Variants in PARP8 observed in about 807,000 individuals in gnomAD.
PARP8 encodes protein mono-ADP-ribosyltransferase PARP8.
In PARP8, 51 loss-of-function variants were observed where a neutral mutation model predicts 124.1. The observed-to-expected ratio is 0.41, with a 90% CI of 0.33 to 0.52. The LOEUF is 0.52. PARP8 is among the 20% of genes least tolerant of loss of function. The probability of loss-of-function intolerance (pLI) is 0.21; values close to 1 mark genes in which losing one functional copy is unlikely to be tolerated. For missense variants in PARP8, 860 were observed against 1,018.9 expected (o/e 0.84, Z 2.12); for synonymous variants, 391 against 361.5 (o/e 1.08, Z -0.93).
chr5:50,781,701 CA>C (rs1740693710), intron 9 of PARP8, among the ~76,000 whole-genome samples: 1 of 152,188 alleles, frequency 6.6e-6, no homozygotes, highest in South Asian at 2.1e-4. Flanking sequence ...CTGGGGAGTG[CA>C]GATAAGTACT....
chr5:50,684,852 G>A (rs950455687), intron 2 of PARP8, among the ~76,000 whole-genome samples: 17 of 152,094 alleles, frequency 1.1e-4, no homozygotes, highest in African/African-American at 2.4e-4. Flanking sequence ...GAGGGATTAC[G>A]GTGTATTTGT....
chr5:50,794,856 G>T lies in PARP8; in HGVS notation c.867G>T (p.Ser289=). 1 of 1,611,016 alleles carries T rather than the reference G, an allele frequency of 6.2e-7. No individual in the cohort carries two copies. The highest frequency in any genetic ancestry group is 2.2e-5 in the East Asian group (1 of 44,826). Residue 289 remains serine (S), a synonymous_variant, in exon 12 of 26, where the codon TCG becomes TCT. Coordinates refer to ENST00000281631, the MANE Select transcript of PARP8 (RefSeq NM_024615.4). ...PLHLFSTLRR[S]PSYPPPGCGK... ...TAATTGTTGTTCAATTTTGAAGGTCGCCAAGTTATCCTCCCCCTGGTTGTG... is the reference window on the plus strand; with the variant it reads ...TAATTGTTGTTCAATTTTGAAGGTCTCCAAGTTATCCTCCCCCTGGTTGTG...
At chr5:50,735,035 G>A (rs754095924) in intron 2 of PARP8, among the ~76,000 whole-genome samples, 21 of 151,880 alleles carry the variant, frequency 1.4e-4, no homozygotes, top group Admixed American at 2.6e-4. Flanking sequence ...TTCATCATGC[G>A]CAATGTAGGG....
intron 18 of PARP8, among the ~76,000 whole-genome samples, chr5:50,825,376 TA>T (rs1011328766): frequency 6.6e-6 from 1 of 152,194 alleles, no homozygotes; most frequent in Non-Finnish European, 1.5e-5. Context: ...TAATCTAAAA[TA>T]AATGTTTTAT....
chr5:50,704,104 A>G (rs1406921155), intron 2 of PARP8, among the ~76,000 whole-genome samples: 1 of 152,000 alleles, frequency 6.6e-6, no homozygotes, highest in Non-Finnish European at 1.5e-5. Flanking sequence ...TGCAGTAAGA[A>G]ATTGTCCAGC....
At chr5:50,728,532 C>T (rs572073956) in intron 2 of PARP8, among the ~76,000 whole-genome samples, 7 of 151,914 alleles carry the variant, frequency 4.6e-5, no homozygotes, top group East Asian at 1.9e-4. Flanking sequence ...AGGAATCACA[C>T]GTTTAAATTA....
chr5:50,767,385 C>G (rs188020831), intron 7 of PARP8, among the ~76,000 whole-genome samples: 35 of 152,274 alleles, frequency 2.3e-4, no homozygotes, highest in Admixed American at 1.2e-3. Context: ...AACAGTCTGA[C>G]TCTGAAAATC....
chr5:50,771,828 A>T (rs1761657975), intron 7 of PARP8, among the ~76,000 whole-genome samples: 1 of 152,244 alleles, frequency 6.6e-6, no homozygotes, highest in South Asian at 2.1e-4. Flanking sequence ...TGTTTAGCAT[A>T]TCCACCACCA....
At position 50,778,472 on chromosome 5, in the gene PARP8, G is replaced by T. The variant is rs140419243; in HGVS notation, c.580-88G>T. 205 of 1,157,630 alleles carry T rather than the reference G, an allele frequency of 1.8e-4. No homozygotes were observed. The African/African-American group carries it at 2.2e-3, about 12-fold the overall frequency. The allele number at this position is 1,157,630 out of a possible 1,614,324, so 71.7% of individuals were successfully genotyped here. A position where few individuals can be genotyped will look rare whatever the true frequency, so the allele number is the denominator to read the frequency against. ...GGCCTTCATGTTATATGCATTTTGC[G>T]AACACAAGTTTTAAAAGTTTGTGTG... On this transcript the variant is annotated intron_variant, in intron 8 of 25. Transcript: ENST00000281631.
intron 14 of PARP8, among the ~76,000 whole-genome samples, chr5:50,810,742 A>T (rs1418679910): frequency 6.6e-6 from 1 of 152,118 alleles, no homozygotes; most frequent in East Asian, 1.9e-4. Context: ...AAAAATAAAT[A>T]TACAAACACC....
Position 50,845,362 on chromosome 5 carries a change from A to T in PARP8, c.*3294A>T, listed in dbSNP as rs1421548756. ...GGTAATTTAATATGTCATGAAGGGG[A>T]CACTCAACATTGGGTCATCTACCGT... On this transcript the variant is annotated 3_prime_UTR_variant, in exon 26 of 26. Transcript: ENST00000281631. 6.6e-6 allele frequency: 1 copy of T among 151,712 alleles called. No individual in the cohort carries two copies. The highest frequency in any genetic ancestry group is 2.4e-5 in the African/African-American group (1 of 41,378). 9.4% of individuals were successfully genotyped at this position (151,712 alleles called of 1,614,324 possible).
rs1748625096 is a variant in PARP8, at chr5:50,846,497, A to G, written c.*4429A>G. ...TAGCGAATGTAAATGTTTACTTTCA[A>G]TAAATCTGAACTTGTTCAACAAGTA... On this transcript the variant is annotated 3_prime_UTR_variant, in exon 26 of 26. Coordinates refer to ENST00000281631, the MANE Select transcript of PARP8 (RefSeq NM_024615.4). The G allele has an allele frequency of 6.6e-6, 1 of 151,750 alleles. No individual in the cohort carries two copies. The highest frequency in any genetic ancestry group is 1.5e-5 in the Non-Finnish European group (1 of 67,802). The allele number at this position is 151,750 out of a possible 1,614,324, so 9.4% of individuals were successfully genotyped here.
chr5:50,755,613 T>G (rs1385154342), intron 3 of PARP8, among the ~76,000 whole-genome samples: 1 of 152,080 alleles, frequency 6.6e-6, no homozygotes, highest in South Asian at 2.1e-4. Context: ...GTCAGGTAGT[T>G]TGATGCCTCC....
At chr5:50,717,398 T>A (rs965566276) in intron 2 of PARP8, among the ~76,000 whole-genome samples, 1 of 151,954 alleles carries the variant, frequency 6.6e-6, no homozygotes, top group African/African-American at 2.4e-5. Flanking sequence ...TGAGCAAGTA[T>A]GTAGATGCTA....
chr5:50,722,266 GT>G (rs1755969509), intron 2 of PARP8, among the ~76,000 whole-genome samples: 1 of 152,090 alleles, frequency 6.6e-6, no homozygotes, highest in Non-Finnish European at 1.5e-5. Flanking sequence ...TAAGGAAAGA[GT>G]TTTTCAAGTA....
intron 10 of PARP8, among the ~76,000 whole-genome samples, chr5:50,790,999 C>T (rs533507763): frequency 6.6e-6 from 1 of 152,216 alleles, no homozygotes; most frequent in Admixed American, 6.6e-5. Flanking sequence ...AATCTAATTT[C>T]ATCCTCACAA....
intron 7 of PARP8, among the ~76,000 whole-genome samples, chr5:50,777,321 TC>T (rs1740145473): frequency 1.3e-5 from 2 of 152,358 alleles, no homozygotes; most frequent in South Asian, 4.1e-4. Context: ...TTTTATCATT[TC>T]AGTTATTTCT....
intron 2 of PARP8, among the ~76,000 whole-genome samples, chr5:50,691,339 A>G (rs1236521486): frequency 2.0e-5 from 3 of 151,848 alleles, no homozygotes; most frequent in East Asian, 3.9e-4. Context: ...TGCCTCCAGG[A>G]CTCCACTGAA....
chr5:50,675,517 G>A (rs1421542066), intron 2 of PARP8, among the ~76,000 whole-genome samples: 1 of 152,172 alleles, frequency 6.6e-6, no homozygotes, highest in East Asian at 1.9e-4. Context: ...ATATTGGCCA[G>A]GTTGGTCTCG....
Sources: gnomAD v4.1 joint callset for allele counts (sites outside exome capture counted in the v4.1 genomes callset) on GRCh38, gnomAD v4.1.1 for gene constraint, MANE v1.5 for transcripts, NCBI Gene and HGNC (gene_info 2026-07-23, HGNC 2026-07-21) for gene names.